Variants in PKD1L1 observed in about 807,000 individuals in gnomAD.
The protein encoded by PKD1L1 is polycystin 1 like 1, transient receptor potential channel interacting.
PKD1L1 carries 236 observed loss-of-function variants against 323.4 expected under a neutral mutation model. That is an observed-to-expected ratio of 0.73 (90% CI 0.66 to 0.81). The LOEUF (loss-of-function observed/expected upper bound fraction) is 0.81, where lower values mean the gene tolerates loss of function less well. PKD1L1 is among the 40% of genes least tolerant of loss of function. The pLI is 0.00. For missense variants in PKD1L1, 3,320 were observed against 3,508.0 expected (o/e 0.95, Z 1.35); for synonymous variants, 1,344 against 1,335.0 (o/e 1.01, Z -0.15).
intron 13 of PKD1L1, among the ~76,000 whole-genome samples, chr7:47,899,402 T>G (rs1041477512): frequency 1.4e-5 from 2 of 143,308 alleles, no homozygotes; most frequent in African/African-American, 4.9e-5. Context: ...AATAAGCCAA[T>G]GAGGATGAGG....
chr7:47,798,849 C>A (rs1373410273), intron 54 of PKD1L1, among the ~76,000 whole-genome samples: 1 of 151,652 alleles, frequency 6.6e-6, no homozygotes, highest in African/African-American at 2.4e-5. Flanking sequence ...TTTGGCAATT[C>A]ATTTGAGCCA....
At chr7:47,865,677 C>T (rs1359109405) in intron 25 of PKD1L1, among the ~76,000 whole-genome samples, 1 of 151,768 alleles carries the variant, frequency 6.6e-6, no homozygotes, top group Non-Finnish European at 1.5e-5. Flanking sequence ...GCTCTGCCTC[C>T]CGGGTTCATG....
chr7:47,917,124 A>T (rs555533557), intron 7 of PKD1L1, among the ~76,000 whole-genome samples: 21 of 152,326 alleles, frequency 1.4e-4, no homozygotes, highest in Non-Finnish European at 2.8e-4. Flanking sequence ...GATAGCATAA[A>T]TAAAAAACAA....
At chr7:47,903,041 T>C (rs112275625) in intron 12 of PKD1L1, among the ~76,000 whole-genome samples, 2,071 of 152,252 alleles carry the variant, frequency 0.014, 41 homozygotes, top group African/African-American at 0.047. Context: ...AAGGGGAGCA[T>C]GTCACAGCTG....
Position 47,880,809 on chromosome 7 carries a change from C to A in PKD1L1, c.3443-4G>T, listed in dbSNP as rs199762640. On this transcript the variant is annotated splice_polypyrimidine_tract_variant and splice_region_variant and intron_variant, in intron 20 of 56. Coordinates refer to ENST00000289672, the MANE Select transcript of PKD1L1 (RefSeq NM_138295.5). ...GTCACTGTCTGTTCTGTAATACCTGCAGAAAAGACATGGCTGCATGGAAAT... is the reference window on the plus strand; with the variant it reads ...GTCACTGTCTGTTCTGTAATACCTGAAGAAAAGACATGGCTGCATGGAAAT... 1 of 1,596,310 alleles carries A rather than the reference C, an allele frequency of 6.3e-7. No homozygotes were observed. The highest frequency in any genetic ancestry group is 8.6e-7 in the Non-Finnish European group (1 of 1,169,240).
At chr7:47,808,211 G>A (rs1784820641) in intron 52 of PKD1L1, 36 bp downstream of exon 52, 2 of 1,609,738 alleles carry the variant, frequency 1.2e-6, no homozygotes, top group Admixed American at 3.3e-5. Context: ...CACAGTGCAT[G>A]GCCTCTATCT....
chr7:47,936,910 T>C lies in PKD1L1; in HGVS notation c.334A>G (p.Lys112Glu). The C allele has an allele frequency of 1.9e-6, 3 of 1,613,970 alleles. No individual in the cohort carries two copies. Among genetic ancestry groups the C allele is most frequent in the East Asian group, 2.2e-5 (1 of 44,882 alleles). Residue 112 changes from lysine to glutamate, a missense_variant, in exon 4 of 57, where the codon AAA becomes GAA. Physicochemically the swap from Lys to Glu is moderately conservative, Grantham distance 56. Transcript: ENST00000289672. ...SEAALSVVNE[K>E]TQAVVNEKTQ... ...TTTTCATTAACAACAGCCTGTGTTTTTTCATTAACAACACTTAACGCTGCT... is the reference window on the plus strand; with the variant it reads ...TTTTCATTAACAACAGCCTGTGTTTCTTCATTAACAACACTTAACGCTGCT...
intron 46 of PKD1L1, chr7:47,819,532 A>G: frequency 7.3e-7 from 1 of 1,360,576 alleles, no homozygotes; most frequent in Non-Finnish European, 9.8e-7. Context: ...CAGGCTGTGC[A>G]CTTGCACGGA....
rs190916999 is a variant in PKD1L1 at position 47,807,271 on chromosome 7, C to T, written c.7827+976G>A. On this transcript the variant is annotated intron_variant, in intron 52 of 56. Transcript: ENST00000289672. The stretch of plus-strand genomic sequence containing the variant: ...TCTCTTGCTTGCAACAAAATGATCT[C>T]CAACAAAGAGGCAGGGACTGGGGCA... Among the ~76,000 whole-genome samples the T allele has an allele frequency of 3.3e-5, 5 of 152,112 alleles. No homozygotes were observed. In the East Asian group the frequency reaches 9.8e-4, roughly 30 times the overall value.
Position 47,846,937 on chromosome 7 carries a change from A to C in PKD1L1, c.5095T>G (p.Trp1699Gly). The change falls in exon 32 of 57, where the codon TGG becomes GGG. Residue 1699 changes from tryptophan (W) to glycine (G), a missense_variant. By Grantham distance (184) the Trp-to-Gly change is radical. Transcript: ENST00000289672. ...TGTGGAGAGAAACGTTCAGATTTCC[A>C]CTCTCTCTTGTCCCAAAACAGGCAT... The part of the protein sequence containing the change: ...IRCLFWDKRE[W>G]KSERFSPQPG... The C allele has an allele frequency of 6.2e-7, 1 of 1,613,502 alleles. No individual in the cohort carries two copies. Among genetic ancestry groups the C allele is most frequent in the South Asian group, 1.1e-5 (1 of 90,946 alleles).
rs767372078 is a variant in PKD1L1 at position 47,843,027 on chromosome 7, C to A, written c.5380G>T (p.Gly1794Cys). 6.2e-7 allele frequency: 1 copy of A among 1,613,952 alleles called. No homozygotes were observed. Among genetic ancestry groups the A allele is most frequent in the South Asian group, 1.1e-5 (1 of 91,076 alleles). Residue 1794 changes from glycine (G) to cysteine (C), a missense_variant, in exon 34 of 57, where the codon GGC becomes TGC. By Grantham distance (159) the Gly-to-Cys change is radical. Coordinates refer to ENST00000289672, the MANE Select transcript of PKD1L1 (RefSeq NM_138295.5). Reference sequence around the variant, plus strand: ...ATGACGACCGCATATAGCTGATGGCCCGGCAGGGAAGCTTCTTGCAGAAAG... The same window carrying A: ...ATGACGACCGCATATAGCTGATGGCACGGCAGGGAAGCTTCTTGCAGAAAG... ...YIFLQEASLPGHQLYAVVIDT... is the reference protein window; with the variant it reads ...YIFLQEASLPCHQLYAVVIDT...
intron 56 of PKD1L1, among the ~76,000 whole-genome samples, chr7:47,783,034 C>T (rs923185268): frequency 2.0e-5 from 3 of 152,134 alleles, no homozygotes; most frequent in Non-Finnish European, 4.4e-5. Context: ...GAGTCACTTA[C>T]CTGAGGAGGA....
rs1189730251 is a variant in PKD1L1 at position 47,897,979 on chromosome 7, C to T, written c.2271+9G>A. The T allele has an allele frequency of 8.8e-6, 14 of 1,593,512 alleles. No individual in the cohort carries two copies. The highest frequency in any genetic ancestry group is 1.2e-5 in the Non-Finnish European group (14 of 1,168,812). ...TTGGGCCAGTAGAGCAGTAAGTCAG[C>T]CAGCTGACCTTGGCAAGGGCAGTGT... On this transcript the variant is annotated intron_variant, in intron 14 of 56. Coordinates refer to ENST00000289672, the MANE Select transcript of PKD1L1 (RefSeq NM_138295.5).
intron 14 of PKD1L1, among the ~76,000 whole-genome samples, chr7:47,894,855 C>CAAA (rs11417820): frequency 8.8e-5 from 11 of 125,666 alleles, no homozygotes; most frequent in East Asian, 2.2e-4. Context: ...GAGACCCTGT[C>CAAA]AAAAAAAAAA....
intron 8 of PKD1L1, 21 bp from the exon 9 acceptor site, chr7:47,908,271 G>T (rs553227846): frequency 1.3e-6 from 2 of 1,597,896 alleles, no homozygotes; most frequent in African/African-American, 1.3e-5. Context: ...AAGAATGAAC[G>T]GACACTTGAT....
At position 47,905,925 on chromosome 7, in the gene PKD1L1, T is replaced by C. The variant is rs752387451; in HGVS notation, c.1440A>G (p.Ser480=). 3.7e-6 allele frequency: 6 copies of C among 1,613,040 alleles called. No individual in the cohort carries two copies. The highest frequency in any genetic ancestry group is 2.2e-5 in the South Asian group (2 of 90,908). Residue 480 remains serine, a synonymous_variant, in exon 10 of 57, where the codon TCA becomes TCG. Transcript: ENST00000289672. ...TCTGAGAAATAAAGGACACGTTATA[T>C]GAAGGAATAGATGGAAAGTGATGTA... The part of the protein sequence containing the change: ...VVIHHFPSIP[S]YNVSFISQTQ...
the PKD1L1 span, among the ~76,000 whole-genome samples, chr7:47,958,836 T>C: frequency 6.6e-6 from 1 of 151,702 alleles, no homozygotes; most frequent in African/African-American, 2.4e-5. Context: ...ACGGTCTCCC[T>C]CTCCCTCTCT....
chr7:47,781,409 G>GT (rs60759497), intron 56 of PKD1L1, among the ~76,000 whole-genome samples: 11,016 of 71,662 alleles, frequency 0.15, 703 homozygotes, highest in East Asian at 0.46. Flanking sequence ...GTTTTGTTTT[G>GT]TTTTTTTTTT....
At position 47,884,328 on chromosome 7, in the gene PKD1L1, A is replaced by T. The variant is rs547326974; in HGVS notation, c.3265+270T>A. Among the ~76,000 whole-genome samples, 6 of 152,322 alleles carry T rather than the reference A, an allele frequency of 3.9e-5. No homozygotes were observed. The South Asian group carries it at 1.2e-3, about 32-fold the overall frequency. ...AGGCATTTTTGGCAGACGACACTCC[A>T]TGACCAAGGCATGGAAGAGCTGGGA... On this transcript the variant is annotated intron_variant, in intron 19 of 56. Transcript: ENST00000289672.
Sources: gnomAD v4.1 joint callset for allele counts (sites outside exome capture counted in the v4.1 genomes callset) on GRCh38, gnomAD v4.1.1 for gene constraint, MANE v1.5 for transcripts, NCBI Gene and HGNC (gene_info 2026-07-23, HGNC 2026-07-21) for gene names.